HCK: variants seen among roughly 807,000 people sequenced by gnomAD.
The protein encoded by HCK is HCK proto-oncogene, Src family tyrosine kinase, also known as tyrosine-protein kinase HCK.
HCK carries 40 observed loss-of-function variants against 70.4 expected under a neutral mutation model. The ratio of observed to expected loss-of-function variants is 0.57; its 90% CI spans 0.44 to 0.74. The LOEUF (loss-of-function observed/expected upper bound fraction) is 0.74. HCK is among the 30% of genes least tolerant of loss of function. HCK has a pLI of 0.00. For missense variants in HCK, 568 were observed against 697.2 expected (o/e 0.81, Z 2.09); for synonymous variants, 245 against 263.2 (o/e 0.93, Z 0.67).
Position 32,083,991 on chromosome 20 carries a change from A to T in HCK, c.630A>T (p.Ile210=). 1 of 1,614,088 alleles carries T rather than the reference A, an allele frequency of 6.2e-7. No individual in the cohort carries two copies. Among genetic ancestry groups the T allele is most frequent in the Non-Finnish European group, 8.5e-7 (1 of 1,180,014 alleles). The change falls in exon 7 of 13, where the codon ATA becomes ATT. Residue 210 remains isoleucine (I), a synonymous_variant. Transcript: ENST00000375852. ...CCCTGGACAACGGGGGCTTCTACATATCCCCCCGAAGCACCTTCAGCACTC... is the reference window on the plus strand; with the variant it reads ...CCCTGGACAACGGGGGCTTCTACATTTCCCCCCGAAGCACCTTCAGCACTC...
In HCK at chr20:32,100,394, G is replaced by A. The variant is rs149369737; in HGVS notation, c.1379-923G>A. Among the ~76,000 whole-genome samples the A allele has an allele frequency of 7.6e-4, 116 of 152,328 alleles. No homozygotes were observed. In the Middle Eastern group the frequency reaches 0.017, roughly 22 times the overall value. On this transcript the variant is annotated intron_variant, in intron 12 of 12. Transcript: ENST00000375852. Reference sequence around the variant, plus strand: ...TGGTCTGGACAGGGTGGTGGCATTCGTGACTGGCATACGTTGATGAACTGG... The same window carrying A: ...TGGTCTGGACAGGGTGGTGGCATTCATGACTGGCATACGTTGATGAACTGG...
At chr20:32,095,933 A>C (rs2045949071) in intron 11 of HCK, among the ~76,000 whole-genome samples, 1 of 151,658 alleles carries the variant, frequency 6.6e-6, no homozygotes, top group Admixed American at 6.6e-5. Context: ...TCTGCTGCCC[A>C]GGCTGGAGTG....
intron 5 of HCK, among the ~76,000 whole-genome samples, chr20:32,076,559 A>T (rs1452790126): frequency 6.6e-6 from 1 of 152,136 alleles, no homozygotes; most frequent in East Asian, 1.9e-4. Flanking sequence ...TAAGTGGAAA[A>T]CGCAGGGTGT....
intron 9 of HCK, among the ~76,000 whole-genome samples, chr20:32,087,579 G>A (rs1371227038): frequency 6.6e-6 from 1 of 151,424 alleles, no homozygotes; most frequent in Non-Finnish European, 1.5e-5. Context: ...GGATCCTCCC[G>A]ACTTAGTCTC....
chr20:32,096,991 A>C (rs886615805), intron 11 of HCK, among the ~76,000 whole-genome samples: 1 of 152,160 alleles, frequency 6.6e-6, no homozygotes, highest in Non-Finnish European at 1.5e-5. Flanking sequence ...CGATTAAAAA[A>C]AATTTAGACC....
intron 11 of HCK, among the ~76,000 whole-genome samples, chr20:32,094,710 A>AAAGAAAG (rs759094815): frequency 2.0e-5 from 1 of 50,316 alleles, no homozygotes; most frequent in African/African-American, 4.6e-5. Context: ...AAAAGAAAAG[A>AAAGAAAG]AAGAAAGAAA....
chr20:32,052,573 G>C, intron 1 of HCK, 87 bp downstream of exon 1: 1 of 1,002,618 alleles, frequency 1.0e-6, no homozygotes, highest in African/African-American at 1.7e-5. Flanking sequence ...GGGGAGGGCT[G>C]GCTACGGGTG....
chr20:32,093,452 G>A (rs941071403), intron 10 of HCK, among the ~76,000 whole-genome samples: 3 of 151,858 alleles, frequency 2.0e-5, no homozygotes, highest in Admixed American at 2.0e-4. Context: ...CCCAGAAAGA[G>A]AGTTGAAGGT....
At chr20:32,090,094 T>C (rs956868636) in intron 10 of HCK, among the ~76,000 whole-genome samples, 1 of 152,224 alleles carries the variant, frequency 6.6e-6, no homozygotes, top group Non-Finnish European at 1.5e-5. Flanking sequence ...GAGCCTGGAA[T>C]GCCAGAGGCA....
chr20:32,095,792 C>G (rs780365765), intron 11 of HCK, among the ~76,000 whole-genome samples: 7 of 152,148 alleles, frequency 4.6e-5, no homozygotes, highest in Non-Finnish European at 1.0e-4. Flanking sequence ...AAGAAAGAAA[C>G]AGGCAAAATT....
intron 10 of HCK, among the ~76,000 whole-genome samples, chr20:32,089,881 T>C (rs1416087639): frequency 1.3e-5 from 2 of 152,238 alleles, no homozygotes; most frequent in Non-Finnish European, 2.9e-5. Context: ...TAAAGGTCTT[T>C]TAGACAAAAG....
chr20:32,082,677 C>T (rs1196265743), intron 6 of HCK, among the ~76,000 whole-genome samples: 3 of 151,940 alleles, frequency 2.0e-5, no homozygotes. Context: ...CTTCCCAAAT[C>T]CTATGACATT....
chr20:32,058,875 G>T (rs1420891524), intron 1 of HCK, among the ~76,000 whole-genome samples: 1 of 152,208 alleles, frequency 6.6e-6, no homozygotes, highest in Non-Finnish European at 1.5e-5. Flanking sequence ...AGCCAGGGTA[G>T]AACAGGCTTG....
chr20:32,080,222 T>C (rs917088234), intron 6 of HCK, among the ~76,000 whole-genome samples: 3 of 152,180 alleles, frequency 2.0e-5, no homozygotes, highest in African/African-American at 7.2e-5. Flanking sequence ...TTTTTTGAGA[T>C]GGAGTCTCAC....
chr20:32,095,647 T>C (rs1313381772), intron 11 of HCK, among the ~76,000 whole-genome samples: 1 of 152,134 alleles, frequency 6.6e-6, no homozygotes, highest in Non-Finnish European at 1.5e-5. Context: ...GTGACTTCTG[T>C]GGGTTTTTTG....
chr20:32,099,767 G>A (rs564229534), intron 12 of HCK, among the ~76,000 whole-genome samples: 2 of 152,112 alleles, frequency 1.3e-5, no homozygotes, highest in African/African-American at 4.8e-5. Flanking sequence ...CCAGGCCAGC[G>A]TCATCTCCCA....
intron 10 of HCK, among the ~76,000 whole-genome samples, chr20:32,090,729 C>A (rs1208378281): frequency 1.3e-5 from 2 of 152,140 alleles, no homozygotes; most frequent in African/African-American, 4.8e-5. Context: ...TTTATCAACC[C>A]GCAGTGCTTA....
intron 9 of HCK, among the ~76,000 whole-genome samples, chr20:32,088,090 T>C (rs1375791113): frequency 6.6e-6 from 1 of 151,998 alleles, no homozygotes; most frequent in African/African-American, 2.4e-5. Flanking sequence ...ATTTCTTCTA[T>C]AGATGGGGTC....
intron 6 of HCK, among the ~76,000 whole-genome samples, chr20:32,080,802 G>T (rs2045698919): frequency 6.6e-6 from 1 of 152,048 alleles, no homozygotes; most frequent in African/African-American, 2.4e-5. Context: ...TGTCAGGATT[G>T]TTTTTGTTTT....
Sources: allele counts gnomAD v4.1 joint callset (sites outside exome capture counted in the v4.1 genomes callset), GRCh38; gene constraint gnomAD v4.1.1; transcripts MANE v1.5; gene names NCBI Gene and HGNC (gene_info 2026-07-23, HGNC 2026-07-21).